The following DNAJB4 variants were observed in gnomAD, a reference collection of about 807,000 sequenced individuals.
DNAJB4 encodes dnaJ homolog subfamily B member 4.
Under a neutral mutation model 26.6 loss-of-function variants are expected in DNAJB4, and 10 were observed. The ratio of observed to expected loss-of-function variants is 0.38; its 90% CI spans 0.23 to 0.64. The LOEUF is 0.64. Ranked by LOEUF, DNAJB4 falls within the 30% of genes least tolerant of loss-of-function variation. The pLI, the probability that DNAJB4 is intolerant of heterozygous loss-of-function variation, is 0.58. For missense variants in DNAJB4, 328 were observed against 408.2 expected (o/e 0.80, Z 1.69); for synonymous variants, 136 against 134.8 (o/e 1.01, Z -0.06).
intron 1 of DNAJB4, among the ~76,000 whole-genome samples, chr1:77,999,136 C>T (rs900911547): frequency 6.6e-6 from 1 of 151,846 alleles, no homozygotes; most frequent in Non-Finnish European, 1.5e-5. Context: ...AGATATAGTC[C>T]GTTATTAAAT....
intron 1 of DNAJB4, among the ~76,000 whole-genome samples, chr1:77,988,090 T>C (rs946769850): frequency 1.1e-4 from 16 of 141,060 alleles, no homozygotes; most frequent in Non-Finnish European, 2.1e-4. Flanking sequence ...CAGTGTATAA[T>C]CAGAGCTCAC....
intron 1 of DNAJB4, among the ~76,000 whole-genome samples, chr1:77,985,271 G>A (rs1659765075): frequency 6.6e-6 from 1 of 151,966 alleles, no homozygotes; most frequent in Non-Finnish European, 1.5e-5. Context: ...GTTTTTTAGT[G>A]GAACCTTGCT....
At chr1:77,985,817 C>T (rs1403636397) in intron 1 of DNAJB4, among the ~76,000 whole-genome samples, 1 of 151,926 alleles carries the variant, frequency 6.6e-6, no homozygotes, top group Admixed American at 6.6e-5. Flanking sequence ...AACAAAAATT[C>T]TGGGCATTGT....
chr1:78,013,014 C>A, intron 1 of DNAJB4, 37 bp from the exon 2 acceptor site: 2 of 1,506,998 alleles, frequency 1.3e-6, no homozygotes, highest in Non-Finnish European at 1.8e-6. Context: ...TTAAGAGTTG[C>A]AAGCTTTTTT....
chr1:77,998,674 T>C (rs1455555238), intron 1 of DNAJB4, among the ~76,000 whole-genome samples: 1 of 152,034 alleles, frequency 6.6e-6, no homozygotes, highest in Non-Finnish European at 1.5e-5. Context: ...ACCTCATCTG[T>C]ACTAAAAATA....
intron 1 of DNAJB4, among the ~76,000 whole-genome samples, chr1:78,012,130 C>G (rs1034493350): frequency 1.5e-4 from 17 of 116,444 alleles, no homozygotes; most frequent in Non-Finnish European, 3.1e-4. Context: ...TAAGGAGTTC[C>G]CAGTTTTATT....
Position 78,016,387 on chromosome 1 carries a change from G to C in DNAJB4, c.*140G>C, listed in dbSNP as rs182675110. 1.5e-6 allele frequency: 1 copy of C among 662,552 alleles called. No homozygotes were observed. The allele number at this position is 662,552 out of a possible 1,614,324, so 41.0% of individuals were successfully genotyped here. A position where few individuals can be genotyped will look rare whatever the true frequency, so the allele number is the denominator to read the frequency against. On this transcript the variant is annotated 3_prime_UTR_variant, in exon 3 of 3. Transcript: ENST00000370763. The stretch of plus-strand genomic sequence containing the variant: ...TCATTAAATTGCATGAATAGAGACG[G>C]GTCAAATAAATAGGCAAAAGGGATT...
At chr1:77,988,833 G>A (rs147801944) in intron 1 of DNAJB4, among the ~76,000 whole-genome samples, 111 of 152,268 alleles carry the variant, frequency 7.3e-4, no homozygotes, top group African/African-American at 2.5e-3. Context: ...CAGAGAATGA[G>A]GCAGGGATTT....
At chr1:77,989,707 A>G (rs1659887725) in intron 1 of DNAJB4, among the ~76,000 whole-genome samples, 1 of 152,106 alleles carries the variant, frequency 6.6e-6, no homozygotes, top group South Asian at 2.1e-4. Context: ...TTTGGACACT[A>G]GTGGTGTCAG....
chr1:78,013,745 T>A (rs1458703143), intron 2 of DNAJB4, 126 bp downstream of exon 2: 9 of 747,020 alleles, frequency 1.2e-5, no homozygotes, highest in Non-Finnish European at 1.9e-5. Context: ...ACTATAAAAA[T>A]CCTCTAAGAT....
Position 78,013,495 on chromosome 1 carries a change from A to G in DNAJB4, c.656A>G (p.Glu219Gly). ...KEGTKITFPR[E>G]GDETPNSIPA... is the part of the protein sequence containing the mutation. ...GGCACCAAAATTACTTTTCCAAGAG[A>G]AGGAGATGAAACACCAAATAGTATT... The change falls in exon 2 of 3, where the codon GAA (glutamate) becomes GGA (glycine). Residue 219 changes from glutamate (E) to glycine (G), a missense_variant. Glu to Gly is a moderately conservative substitution (Grantham distance 98, BLOSUM62 -2). Transcript: ENST00000370763. 1.2e-6 allele frequency: 2 copies of G among 1,614,104 alleles called. No individual in the cohort carries two copies. The highest frequency in any genetic ancestry group is 1.7e-6 in the Non-Finnish European group (2 of 1,180,018).
intron 1 of DNAJB4, among the ~76,000 whole-genome samples, chr1:78,008,977 TTTG>T (rs1660399465): frequency 6.6e-6 from 1 of 152,108 alleles, no homozygotes; most frequent in African/African-American, 2.4e-5. Flanking sequence ...CTTTCCTTAT[TTTG>T]TTATTGCATA....
At chr1:77,985,485 T>G (rs1475728525) in intron 1 of DNAJB4, among the ~76,000 whole-genome samples, 1 of 152,224 alleles carries the variant, frequency 6.6e-6, no homozygotes, top group Non-Finnish European at 1.5e-5. Context: ...TTCTATGGTT[T>G]ATCATAATCA....
chr1:77,999,396 A>G (rs1660138426), intron 1 of DNAJB4, among the ~76,000 whole-genome samples: 1 of 151,914 alleles, frequency 6.6e-6, no homozygotes, highest in Admixed American at 6.6e-5. Flanking sequence ...GTAAAGTATT[A>G]TATAAATGTT....
upstream of DNAJB4, among the ~76,000 whole-genome samples, chr1:78,003,218 T>C (rs560256234): frequency 6.6e-6 from 1 of 152,288 alleles, no homozygotes; most frequent in South Asian, 2.1e-4. Flanking sequence ...GGCAATATGC[T>C]TTTTAAAACT....
chr1:78,013,165 A>G lies in DNAJB4; in HGVS notation c.326A>G (p.Glu109Gly). The change falls in exon 2 of 3, where the codon GAA becomes GGA. Residue 109 changes from glutamate (E) to glycine (G), a missense_variant. Transcript: ENST00000370763. ...AAFFGGSNPF[E>G]IFFGRRMGGG... is the part of the protein sequence containing the mutation. Reference sequence around the variant, plus strand: ...TTTTTCGGAGGGTCCAACCCCTTTGAAATTTTCTTTGGAAGACGAATGGGT... The same window carrying G: ...TTTTTCGGAGGGTCCAACCCCTTTGGAATTTTCTTTGGAAGACGAATGGGT... The G allele has an allele frequency of 6.2e-7, 1 of 1,614,172 alleles. No individual in the cohort carries two copies. Among genetic ancestry groups the G allele is most frequent in the Non-Finnish European group, 8.5e-7 (1 of 1,180,032 alleles).
intron 1 of DNAJB4, among the ~76,000 whole-genome samples, chr1:78,008,616 G>C (rs1403282468): frequency 1.3e-5 from 2 of 152,134 alleles, no homozygotes; most frequent in Non-Finnish European, 2.9e-5. Flanking sequence ...ATAAGAACTA[G>C]AGAATTCTTT....
At chr1:77,992,704 C>T (rs1442709470) in intron 1 of DNAJB4, 1 of 151,932 alleles carries the variant, frequency 6.6e-6, no homozygotes, top group African/African-American at 2.4e-5. Context: ...TTTATTTTAC[C>T]ATCAGACAAG....
intron 1 of DNAJB4, among the ~76,000 whole-genome samples, chr1:77,983,356 C>G (rs1659712347): frequency 6.6e-6 from 1 of 152,176 alleles, no homozygotes; most frequent in Non-Finnish European, 1.5e-5. Context: ...ATGCCTTCCT[C>G]TTGTCTCAAC....
Sources: allele counts gnomAD v4.1 joint callset (sites outside exome capture counted in the v4.1 genomes callset), GRCh38; gene constraint gnomAD v4.1.1; transcripts MANE v1.5; gene names NCBI Gene and HGNC (gene_info 2026-07-23, HGNC 2026-07-21).